IMPG1: variants seen among roughly 807,000 people sequenced by gnomAD.
IMPG1 encodes interphotoreceptor matrix proteoglycan of 150 kDa.
Under a neutral mutation model 92.0 loss-of-function variants are expected in IMPG1, and 85 were observed. The ratio of observed to expected loss-of-function variants is 0.92; its 90% confidence interval spans 0.78 to 1.11. IMPG1 has a LOEUF of 1.11. Ranked by LOEUF, IMPG1 falls within the 50% of genes least tolerant of loss-of-function variation. The probability of loss-of-function intolerance (pLI) is 0.00; values close to 1 mark genes in which losing one functional copy is unlikely to be tolerated. For synonymous variants in IMPG1, 367 were observed against 334.1 expected, an observed-to-expected ratio of 1.10 and a Z score of -1.08; for missense variants, 1,022 against 956.0, an observed-to-expected ratio of 1.07 and a Z score of -0.91.
At chr6:75,980,143 C>G (rs904212384) in intron 12 of IMPG1, among the ~76,000 whole-genome samples, 18 of 151,982 alleles carry the variant, frequency 1.2e-4, no homozygotes, top group African/African-American at 4.4e-4. Context: ...AAAGATGTGC[C>G]ACAAAATGTG....
At chr6:75,927,168 G>A (rs1284981487) in intron 15 of IMPG1, among the ~76,000 whole-genome samples, 1 of 152,104 alleles carries the variant, frequency 6.6e-6, no homozygotes, top group African/African-American at 2.4e-5. Flanking sequence ...CTCCAATAAT[G>A]CTAGTAGTGA....
At chr6:75,941,624 A>G (rs184820234) in intron 14 of IMPG1, among the ~76,000 whole-genome samples, 223 of 152,348 alleles carry the variant, frequency 1.5e-3, no homozygotes, top group Non-Finnish European at 1.8e-3. Flanking sequence ...TGTTTGACTC[A>G]CTATTTACTA....
chr6:76,020,010 G>T (rs1044768601), intron 6 of IMPG1, among the ~76,000 whole-genome samples: 1 of 152,026 alleles, frequency 6.6e-6, no homozygotes, highest in African/African-American at 2.4e-5. Context: ...TCACTGTTGA[G>T]GGAAGAACAT....
At chr6:75,935,505 G>C (rs1781730527) in intron 14 of IMPG1, among the ~76,000 whole-genome samples, 1 of 152,168 alleles carries the variant, frequency 6.6e-6, no homozygotes, top group Admixed American at 6.5e-5. Context: ...ACGTTCGCTC[G>C]CTCCTGCTGG....
At chr6:76,029,008 T>C (rs1023646358) in intron 4 of IMPG1, among the ~76,000 whole-genome samples, 1 of 152,208 alleles carries the variant, frequency 6.6e-6, no homozygotes, top group African/African-American at 2.4e-5. Flanking sequence ...ATTGGAAAAA[T>C]TGGGTATTTT....
intron 12 of IMPG1, among the ~76,000 whole-genome samples, chr6:76,001,973 GCA>G (rs1481413127): frequency 6.6e-6 from 1 of 152,094 alleles, no homozygotes; most frequent in Non-Finnish European, 1.5e-5. Context: ...CATACTAATT[GCA>G]CAGTGTTTAT....
chr6:75,937,063 G>A (rs932558067), intron 14 of IMPG1, among the ~76,000 whole-genome samples: 3 of 152,126 alleles, frequency 2.0e-5, no homozygotes, highest in Admixed American at 6.5e-5. Flanking sequence ...CGTGTCCCAG[G>A]AGGCAAAGGG....
chr6:76,051,835 A>C (rs896616585), intron 1 of IMPG1, among the ~76,000 whole-genome samples: 3 of 152,156 alleles, frequency 2.0e-5, no homozygotes, highest in African/African-American at 7.2e-5. Context: ...TCTTGCAAAA[A>C]TCAGGTTTAA....
At chr6:75,944,506 T>C (rs1025404653) in intron 14 of IMPG1, among the ~76,000 whole-genome samples, 6 of 152,238 alleles carry the variant, frequency 3.9e-5, no homozygotes, top group African/African-American at 1.4e-4. Flanking sequence ...TGATGCTTAA[T>C]GATGTTCTAA....
chr6:75,927,843 G>C (rs117000511), intron 15 of IMPG1, among the ~76,000 whole-genome samples: 1 of 148,404 alleles, frequency 6.7e-6, no homozygotes, highest in Non-Finnish European at 1.5e-5. Flanking sequence ...TCTAAGGAGC[G>C]TCAATTTTTC....
Position 75,924,565 on chromosome 6 carries a change from T to TAATATA in IMPG1, c.2244-860_2244-859insTATATT, listed in dbSNP as rs1562334737. On this transcript the variant is annotated intron_variant, in intron 15 of 16. Transcript: ENST00000369950. ...ATATAATATAATTAATATAATTATA[T>TAATATA]ATTATATATAATTAATATAATTATA... Among the ~76,000 whole-genome samples, 441 of 40,492 alleles carry TAATATA rather than the reference T, an allele frequency of 0.011. 94 individuals carry two copies. The East Asian group carries it at 0.16, about 15-fold the overall frequency. 26.6% of individuals were successfully genotyped at this position (40,492 alleles called of 152,430 possible).
chr6:75,993,054 T>C (rs963781493), intron 12 of IMPG1, among the ~76,000 whole-genome samples: 19 of 151,100 alleles, frequency 1.3e-4, no homozygotes, highest in Admixed American at 2.0e-4. Flanking sequence ...AGATGGGAAG[T>C]GTACTGAGGT....
At chr6:76,063,405 C>A (rs1417949645) in intron 1 of IMPG1, among the ~76,000 whole-genome samples, 3 of 152,008 alleles carry the variant, frequency 2.0e-5, no homozygotes, top group East Asian at 3.9e-4. Flanking sequence ...GAGATGAAAC[C>A]CAGAGGGGCT....
chr6:75,964,042 C>T (rs1782257606), intron 12 of IMPG1, among the ~76,000 whole-genome samples: 2 of 152,110 alleles, frequency 1.3e-5, no homozygotes, highest in Admixed American at 1.3e-4. Flanking sequence ...GAATGAGATG[C>T]TTTGGGGAAA....
chr6:75,925,669 ATTTG>A (rs10639432), intron 15 of IMPG1, among the ~76,000 whole-genome samples: 2 of 150,740 alleles, frequency 1.3e-5, no homozygotes, highest in African/African-American at 4.9e-5. Flanking sequence ...TGTGTTTTTT[ATTTG>A]TTTGTTTGTT....
intron 2 of IMPG1, 83 bp from the exon 3 acceptor site, chr6:76,034,870 T>C (rs532813376): frequency 1.7e-6 from 2 of 1,189,282 alleles, no homozygotes; most frequent in Non-Finnish European, 2.4e-6. Flanking sequence ...CATGGAAAAT[T>C]ATTTCATGGC....
At chr6:76,036,434 A>G (rs940123361) in intron 2 of IMPG1, among the ~76,000 whole-genome samples, 1 of 152,222 alleles carries the variant, frequency 6.6e-6, no homozygotes, top group Non-Finnish European at 1.5e-5. Flanking sequence ...ATCTCACTCT[A>G]TATCCATCCA....
intron 7 of IMPG1, among the ~76,000 whole-genome samples, chr6:76,017,862 C>G (rs930128548): frequency 6.6e-6 from 1 of 152,190 alleles, no homozygotes; most frequent in African/African-American, 2.4e-5. Context: ...AAGCGGTTCT[C>G]CTGCCTCAGC....
intron 4 of IMPG1, among the ~76,000 whole-genome samples, chr6:76,032,958 A>C (rs1483067230): frequency 1.3e-5 from 2 of 152,200 alleles, no homozygotes; most frequent in Non-Finnish European, 2.9e-5. Context: ...AGTTCTAGCA[A>C]GAAACAGATG....
Sources: gnomAD v4.1 joint callset for allele counts (sites outside exome capture counted in the v4.1 genomes callset) on GRCh38, gnomAD v4.1.1 for gene constraint, MANE v1.5 for transcripts, NCBI Gene and HGNC (gene_info 2026-07-23, HGNC 2026-07-21) for gene names.